The following C12orf56 variants were observed in gnomAD, a reference collection of about 807,000 sequenced individuals.
The protein encoded by C12orf56 is chromosome 12 open reading frame 56.
C12orf56 carries 71 observed loss-of-function variants against 69.9 expected under a neutral mutation model. The ratio of observed to expected loss-of-function variants is 1.02; its 90% CI spans 0.84 to 1.24. The LOEUF (loss-of-function observed/expected upper bound fraction) is 1.24. Ranked by LOEUF, C12orf56 falls within the 50% of genes most tolerant of loss-of-function variation. The probability of loss-of-function intolerance (pLI) is 0.00; values close to 1 mark genes in which losing one functional copy is unlikely to be tolerated. For synonymous variants in C12orf56, 276 were observed against 274.1 expected (o/e 1.01, Z -0.07); for missense variants, 732 against 738.5 (o/e 0.99, Z 0.10).
At chr12:64,327,595 T>G (rs1389954392) in intron 3 of C12orf56, among the ~76,000 whole-genome samples, 2 of 152,232 alleles carry the variant, frequency 1.3e-5, no homozygotes, top group African/African-American at 2.4e-5. Flanking sequence ...GTGGCCCCAT[T>G]CTGCACAAGT....
chr12:64,351,607 T>C (rs904891017), intron 2 of C12orf56, among the ~76,000 whole-genome samples: 1 of 152,124 alleles, frequency 6.6e-6, no homozygotes, highest in African/African-American at 2.4e-5. Context: ...TCCCAGCCCC[T>C]AGTCCTCCCT....
intron 3 of C12orf56, 160 bp from the exon 4 acceptor site, chr12:64,319,140 T>C: frequency 1.6e-6 from 1 of 616,406 alleles, no homozygotes; most frequent in Non-Finnish European, 2.6e-6. Flanking sequence ...ACCCATTGAC[T>C]AGAGGAGATT....
At chr12:64,357,403 T>C (rs1308399787) in intron 1 of C12orf56, among the ~76,000 whole-genome samples, 3 of 151,334 alleles carry the variant, frequency 2.0e-5, no homozygotes, top group Non-Finnish European at 4.4e-5. Context: ...CATAATTTTT[T>C]CTTTTTTTTT....
chr12:64,328,484 G>T (rs1169573079), intron 3 of C12orf56, among the ~76,000 whole-genome samples: 1 of 151,552 alleles, frequency 6.6e-6, no homozygotes, highest in Non-Finnish European at 1.5e-5. Context: ...TTCGAGACCT[G>T]CCTGGCCAAC....
intron 5 of C12orf56, among the ~76,000 whole-genome samples, chr12:64,307,669 A>AGACT: frequency 6.6e-6 from 1 of 151,252 alleles, no homozygotes; most frequent in African/African-American, 2.4e-5. Flanking sequence ...TCGCCCGGCC[A>AGACT]GACTCAGACC....
chr12:64,385,270 T>C (rs1425636676), intron 1 of C12orf56, among the ~76,000 whole-genome samples: 1 of 152,220 alleles, frequency 6.6e-6, no homozygotes, highest in Non-Finnish European at 1.5e-5. Context: ...TAAGCTCATT[T>C]TTGCTGGAAG....
chr12:64,275,812 G>T (rs770123623), intron 9 of C12orf56, among the ~76,000 whole-genome samples: 24 of 151,894 alleles, frequency 1.6e-4, no homozygotes, highest in Non-Finnish European at 2.6e-4. Flanking sequence ...CTCGCTTGTT[G>T]CCCAGGCTGG....
At chr12:64,361,159 C>T (rs956036813) in intron 1 of C12orf56, among the ~76,000 whole-genome samples, 2 of 152,076 alleles carry the variant, frequency 1.3e-5, no homozygotes, top group East Asian at 1.9e-4. Flanking sequence ...GCAGAGACTG[C>T]AGTGAACTGA....
intron 9 of C12orf56, among the ~76,000 whole-genome samples, chr12:64,277,477 T>C (rs2038066352): frequency 6.6e-6 from 1 of 152,114 alleles, no homozygotes; most frequent in Admixed American, 6.6e-5. Context: ...GAATAGTTAT[T>C]TTTTCCTTTT....
intron 2 of C12orf56, among the ~76,000 whole-genome samples, chr12:64,337,573 T>C (rs988757471): frequency 1.3e-5 from 2 of 152,138 alleles, no homozygotes; most frequent in South Asian, 2.1e-4. Flanking sequence ...AAACGGGACA[T>C]AGACCAGGCA....
chr12:64,314,545 G>A (rs192506459), intron 4 of C12orf56, among the ~76,000 whole-genome samples: 4 of 152,120 alleles, frequency 2.6e-5, no homozygotes, highest in African/African-American at 9.6e-5. Flanking sequence ...GTCATACAGT[G>A]TTCAGCAATT....
chr12:64,338,603 A>G (rs1163822060), intron 2 of C12orf56: 59 of 1,585,972 alleles, frequency 3.7e-5, no homozygotes, highest in Non-Finnish European at 4.9e-5. Context: ...CTGCTGCTCA[A>G]TCTGTTTCTC....
chr12:64,335,876 C>T (rs1246392160), intron 2 of C12orf56, among the ~76,000 whole-genome samples: 1 of 152,144 alleles, frequency 6.6e-6, no homozygotes, highest in African/African-American at 2.4e-5. Context: ...AAAATATCCC[C>T]TAGGATTTTT....
intron 2 of C12orf56, among the ~76,000 whole-genome samples, chr12:64,346,256 G>C (rs911742313): frequency 6.6e-6 from 1 of 152,126 alleles, no homozygotes; most frequent in Non-Finnish European, 1.5e-5. Context: ...CGACGTTCGA[G>C]GGCAGGAAGC....
chr12:64,303,877 CTAATGGGATTT>C, intron 5 of C12orf56, 98 bp from the exon 6 acceptor site: 1 of 1,317,524 alleles, frequency 7.6e-7, no homozygotes, highest in South Asian at 1.4e-5. Flanking sequence ...AACTTTGTTA[CTAATGGGATTT>C]TAATATAGTT....
intron 1 of C12orf56, among the ~76,000 whole-genome samples, chr12:64,369,685 T>C (rs1380363623): frequency 6.6e-6 from 1 of 151,764 alleles, no homozygotes; most frequent in Non-Finnish European, 1.5e-5. Context: ...TATATACTAT[T>C]AAAATCAAGC....
intron 11 of C12orf56, among the ~76,000 whole-genome samples, chr12:64,272,834 G>A (rs1358314366): frequency 6.6e-6 from 1 of 152,172 alleles, no homozygotes; most frequent in Admixed American, 6.5e-5. Flanking sequence ...TCTGTAGAAG[G>A]CAGCTGGCTG....
chr12:64,281,269 T>C (rs927261186), intron 8 of C12orf56, among the ~76,000 whole-genome samples: 5 of 151,114 alleles, frequency 3.3e-5, no homozygotes, highest in African/African-American at 9.7e-5. Flanking sequence ...CAAAACTCTG[T>C]CTCAAAAAAA....
chr12:64,279,247 T>C (rs939555920), intron 8 of C12orf56, among the ~76,000 whole-genome samples: 2 of 152,082 alleles, frequency 1.3e-5, no homozygotes, highest in African/African-American at 4.8e-5. Flanking sequence ...GCTTATTTGA[T>C]CCCAAAAAAC....
Sources: gnomAD v4.1 joint callset for allele counts (sites outside exome capture counted in the v4.1 genomes callset) on GRCh38, gnomAD v4.1.1 for gene constraint, MANE v1.5 for transcripts, NCBI Gene and HGNC (gene_info 2026-07-23, HGNC 2026-07-21) for gene names.